The following NEBL variants were observed in gnomAD, a reference collection of about 807,000 sequenced individuals.
The protein encoded by NEBL is LIM and SH3 protein 2.
Under a neutral mutation model 140.2 loss-of-function variants are expected in NEBL, and 122 were observed. That is an observed-to-expected ratio of 0.87 (90% CI 0.75 to 1.01). NEBL has a LOEUF of 1.01. Ranked by LOEUF, NEBL falls within the 50% of genes least tolerant of loss-of-function variation. The pLI is 0.00. For synonymous variants in NEBL, 436 were observed against 398.9 expected (o/e 1.09, Z -1.11); for missense variants, 1,365 against 1,231.3 (o/e 1.11, Z -1.62).
intron 3 of NEBL, among the ~76,000 whole-genome samples, chr10:21,004,994 T>C (rs191572233): frequency 6.8e-4 from 104 of 152,288 alleles, no homozygotes; most frequent in Admixed American, 1.1e-3. Flanking sequence ...GGCCATTTAA[T>C]AGAGGCAAAA....
chr10:21,140,216 G>C (rs1468015543), intron 2 of NEBL, among the ~76,000 whole-genome samples: 1 of 152,044 alleles, frequency 6.6e-6, no homozygotes, highest in Non-Finnish European at 1.5e-5. Flanking sequence ...TTGAGAATCT[G>C]ATATCTTTGA....
intron 26 of NEBL, among the ~76,000 whole-genome samples, chr10:20,793,885 C>T (rs2131654743): frequency 6.6e-6 from 1 of 152,252 alleles, no homozygotes; most frequent in Non-Finnish European, 1.5e-5. Context: ...TGAGCAGCCA[C>T]AATGCGGACC....
chr10:20,859,774 T>C lies in NEBL; in HGVS notation c.737A>G (p.Tyr246Cys), dbSNP rs910420285. Reference sequence around the variant, plus strand: ...AAAAGAAGCACTTTCAAGAGGATTGTAATGATGTTTCTTATCCTTCATTTC... The same window carrying C: ...AAAAGAAGCACTTTCAAGAGGATTGCAATGATGTTTCTTATCCTTCATTTC... The part of the protein sequence containing the change: ...DNEMKDKKHH[Y>C]NPLESASFRQ... The change falls in exon 8 of 28, where the codon TAC (tyrosine) becomes TGC (cysteine). Residue 246 changes from tyrosine (Y) to cysteine (C), a missense_variant. Around this residue, in one of 2 missense-constraint regions of NEBL, gnomAD observed 1,323 missense variants for 1,154.8 expected, o/e 1.15. Transcript: ENST00000377122. 1.2e-6 allele frequency: 2 copies of C among 1,602,826 alleles called. No homozygotes were observed. The highest frequency in any genetic ancestry group is 1.3e-5 in the African/African-American group (1 of 74,664).
chr10:21,133,263 G>A (rs1332538397), intron 2 of NEBL, among the ~76,000 whole-genome samples: 1 of 152,166 alleles, frequency 6.6e-6, no homozygotes, highest in African/African-American at 2.4e-5. Flanking sequence ...CTGGCTTCAA[G>A]GTAAGAAAAG....
chr10:21,002,831 G>A (rs1837963014), intron 3 of NEBL, among the ~76,000 whole-genome samples: 1 of 152,028 alleles, frequency 6.6e-6, no homozygotes, highest in African/African-American at 2.4e-5. Context: ...CTCCAACACT[G>A]GAGATTACAA....
At chr10:20,831,043 G>T in intron 16 of NEBL, 153 bp downstream of exon 16, 5 of 679,066 alleles carry the variant, frequency 7.4e-6, no homozygotes, top group South Asian at 1.6e-5. Context: ...AATTAGTACG[G>T]TTAATCAAGT....
At chr10:21,214,484 C>T (rs376521522) in intron 3 of NEBL, among the ~76,000 whole-genome samples, 66 of 143,540 alleles carry the variant, frequency 4.6e-4, no homozygotes, top group African/African-American at 1.6e-3. Context: ...TGCACACACA[C>T]GCGCACATTA....
At chr10:21,090,019 G>T (rs190483657) in intron 2 of NEBL, among the ~76,000 whole-genome samples, 1 of 151,996 alleles carries the variant, frequency 6.6e-6, no homozygotes, top group African/African-American at 2.4e-5. Context: ...CCAGATCTCT[G>T]CCCCAAGTCC....
At chr10:21,082,164 G>A (rs966993501) in intron 2 of NEBL, among the ~76,000 whole-genome samples, 8 of 152,084 alleles carry the variant, frequency 5.3e-5, no homozygotes, top group South Asian at 2.1e-4. Flanking sequence ...CAAAAGAGTC[G>A]TGAAAGTCAC....
At chr10:21,172,510 G>A (rs772823613) in intron 1 of NEBL, 7 of 1,520,146 alleles carry the variant, frequency 4.6e-6, no homozygotes, top group Non-Finnish European at 1.8e-6. Flanking sequence ...TAAAAATACA[G>A]TACAATGCCA....
Position 20,780,418 on chromosome 10 carries a change from C to T in NEBL, c.*5329G>A, listed in dbSNP as rs1834954527. 1 of 152,150 alleles carries T rather than the reference C, an allele frequency of 6.6e-6. No homozygotes were observed. The highest frequency in any genetic ancestry group is 1.5e-5 in the Non-Finnish European group (1 of 68,032). 9.4% of individuals were successfully genotyped at this position (152,150 alleles called of 1,614,324 possible). A position where few individuals can be genotyped will look rare whatever the true frequency, so the allele number is the denominator to read the frequency against. The stretch of plus-strand genomic sequence containing the variant: ...CAGAAAGATACTGAGCTTGGAGAAG[C>T]ATAATATTGTTATCACTTACAACTA... On this transcript the variant is annotated 3_prime_UTR_variant, in exon 28 of 28. Transcript: ENST00000377122.
At chr10:21,034,128 C>G (rs1306513680) in intron 2 of NEBL, among the ~76,000 whole-genome samples, 1 of 139,350 alleles carries the variant, frequency 7.2e-6, no homozygotes, top group Non-Finnish European at 1.5e-5. Context: ...GATTGTACCA[C>G]TGCACTCCAA....
At chr10:20,891,934 A>C (rs1310350637) in intron 2 of NEBL, among the ~76,000 whole-genome samples, 1 of 152,208 alleles carries the variant, frequency 6.6e-6, no homozygotes, top group African/African-American at 2.4e-5. Flanking sequence ...TAGCCTTCCT[A>C]CACCAAGATA....
intron 2 of NEBL, among the ~76,000 whole-genome samples, chr10:21,136,915 A>G (rs2132084467): frequency 6.6e-6 from 1 of 152,332 alleles, no homozygotes; most frequent in South Asian, 2.1e-4. Flanking sequence ...GGATTGGTAG[A>G]ATTAATGGAC....
At chr10:21,019,582 G>C (rs1838695631) in intron 3 of NEBL, among the ~76,000 whole-genome samples, 1 of 152,240 alleles carries the variant, frequency 6.6e-6, no homozygotes, top group Non-Finnish European at 1.5e-5. Context: ...CCATATTGAA[G>C]GCAAGTTGCC....
intron 16 of NEBL, 22 bp downstream of exon 16, chr10:20,831,174 A>G: frequency 6.7e-7 from 1 of 1,494,888 alleles, no homozygotes; most frequent in Non-Finnish European, 9.3e-7. Flanking sequence ...CACGATTCTG[A>G]GCATCTTCAT....
intron 3 of NEBL, among the ~76,000 whole-genome samples, chr10:20,888,612 GCCT>G (rs1001795571): frequency 8.5e-5 from 13 of 152,194 alleles, no homozygotes; most frequent in African/African-American, 2.9e-4. Context: ...GGTCTTCTCA[GCCT>G]CCTCCTGCTC....
At chr10:20,922,267 G>A (rs901679473) in intron 4 of NEBL, among the ~76,000 whole-genome samples, 2 of 152,110 alleles carry the variant, frequency 1.3e-5, no homozygotes, top group Non-Finnish European at 2.9e-5. Context: ...GTGTCATAGC[G>A]ACCCAAATAT....
intron 3 of NEBL, among the ~76,000 whole-genome samples, chr10:21,198,374 C>T (rs1262558883): frequency 1.3e-5 from 2 of 152,194 alleles, no homozygotes; most frequent in African/African-American, 4.8e-5. Context: ...CTTTGGTCTT[C>T]AGGCTGCTGC....
Sources: allele counts gnomAD v4.1 joint callset (sites outside exome capture counted in the v4.1 genomes callset), GRCh38; gene constraint gnomAD v4.1.1; regional missense constraint gnomAD v4.1.1; transcripts MANE v1.5; gene names NCBI Gene and HGNC (gene_info 2026-07-23, HGNC 2026-07-21).